EXT1: variants seen among roughly 807,000 people sequenced by gnomAD.
EXT1 encodes the protein exostosin-1.
In EXT1, 20 loss-of-function variants were observed where a neutral mutation model predicts 82.5. The ratio of observed to expected loss-of-function variants is 0.24; its 90% CI spans 0.17 to 0.35. The LOEUF is 0.35. Ranked by LOEUF, EXT1 falls within the 10% of genes least tolerant of loss-of-function variation. EXT1 has a pLI of 1.00. For synonymous variants in EXT1, 348 were observed against 350.8 expected, an observed-to-expected ratio of 0.99 and a Z score of 0.09; for missense variants, 757 against 936.5, an observed-to-expected ratio of 0.81 and a Z score of 2.50.
intron 1 of EXT1, among the ~76,000 whole-genome samples, chr8:117,972,089 G>A (rs1160589631): frequency 1.3e-5 from 2 of 151,484 alleles, no homozygotes; most frequent in Non-Finnish European, 2.9e-5. Context: ...GGCTGAGGTT[G>A]CGGTGAGCCG....
At chr8:117,952,865 T>C (rs571122657) in intron 1 of EXT1, among the ~76,000 whole-genome samples, 23 of 152,348 alleles carry the variant, frequency 1.5e-4, no homozygotes, top group African/African-American at 3.8e-4. Context: ...AAATGGAAGA[T>C]GGATTTGTGT....
At chr8:117,968,549 ATTTATTTTTTTTTTTTTTTTTT>A (rs1814872070) in intron 1 of EXT1, among the ~76,000 whole-genome samples, 1 of 11,318 alleles carries the variant, frequency 8.8e-5, no homozygotes, top group Admixed American at 1.0e-3. Flanking sequence ...TTATTTATTT[ATTTATTTTTTTTTTTTTTTTTT>A]TTTTTTTTTT....
intron 1 of EXT1, among the ~76,000 whole-genome samples, chr8:117,861,488 C>CTTTTTTTTTTTTTTTTTTTTTTTTTTTT (rs755653091): frequency 2.3e-5 from 2 of 86,824 alleles, no homozygotes; most frequent in Non-Finnish European, 4.3e-5. Context: ...AAGTTTTTAT[C>CTTTTTTTTTTTTTTTTTTTTTTTTTTTT]TTTTTTTTTT....
chr8:117,966,142 A>G (rs1814805384), intron 1 of EXT1, among the ~76,000 whole-genome samples: 1 of 152,148 alleles, frequency 6.6e-6, no homozygotes, highest in Admixed American at 6.6e-5. Flanking sequence ...ATATAGAGAA[A>G]AGTCTCCACA....
At chr8:117,809,193 G>GTATA (rs1823278608) in intron 8 of EXT1, among the ~76,000 whole-genome samples, 2 of 116,680 alleles carry the variant, frequency 1.7e-5, no homozygotes, top group East Asian at 4.6e-4. Flanking sequence ...ATGTGTGTAG[G>GTATA]TATATATATG....
intron 1 of EXT1, among the ~76,000 whole-genome samples, chr8:117,955,555 G>A (rs1257711242): frequency 2.6e-5 from 4 of 151,440 alleles, no homozygotes; most frequent in Non-Finnish European, 5.9e-5. Context: ...GGGTGTCAAG[G>A]GGCAGAGACC....
chr8:117,812,921 GTGA>G lies in EXT1; in HGVS notation c.1670_1672del (p.Ile557del), dbSNP rs1368843278. 3 of 1,613,958 alleles carry G rather than the reference GTGA, an allele frequency of 1.9e-6. No individual in the cohort carries two copies. The highest frequency in any genetic ancestry group is 1.7e-5 in the Admixed American group (1 of 60,000). On this transcript the variant is annotated inframe_deletion, in exon 8 of 11. Coordinates refer to ENST00000378204, the MANE Select transcript of EXT1 (RefSeq NM_000127.3). ...CTCGTCAAGGCTGAGCACGGCGTCT[GTGA>G]TGATGTTGTCGTAGGGCAGAAAACG...
In EXT1 at chr8:118,098,265, A is replaced by T. The variant is rs150254824; in HGVS notation, c.962+11820T>A. Among the ~76,000 whole-genome samples the T allele has an allele frequency of 2.0e-4, 30 of 152,268 alleles. No individual in the cohort carries two copies. In the East Asian group the frequency reaches 3.1e-3, roughly 16 times the overall value. On this transcript the variant is annotated intron_variant, in intron 1 of 10. Transcript: ENST00000378204. ...CCCCCGCTAGGAGTGTGAAATGCCC[A>T]ACATACCTGCCAGGACAACCATAGG...
intron 1 of EXT1, among the ~76,000 whole-genome samples, chr8:117,852,100 T>C (rs1340261104): frequency 1.3e-5 from 2 of 152,256 alleles, no homozygotes; most frequent in Admixed American, 6.5e-5. Context: ...ATCTCCCATT[T>C]TGTAGAAGAG....
intron 1 of EXT1, among the ~76,000 whole-genome samples, chr8:118,097,767 T>C (rs1355122563): frequency 6.6e-6 from 1 of 152,192 alleles, no homozygotes; most frequent in Non-Finnish European, 1.5e-5. Context: ...TCAATAAGTA[T>C]CTGTTGAGTA....
At chr8:117,997,461 C>A (rs972274551) in intron 1 of EXT1, among the ~76,000 whole-genome samples, 1 of 151,794 alleles carries the variant, frequency 6.6e-6, no homozygotes, top group African/African-American at 2.4e-5. Context: ...ACAATAAGTA[C>A]ATAAGGTACA....
chr8:117,941,603 CA>C (rs149071770), intron 1 of EXT1, among the ~76,000 whole-genome samples: 8,685 of 152,252 alleles, frequency 0.057, 861 homozygotes, highest in African/African-American at 0.2. Context: ...GGTGAGTGAT[CA>C]TTTTTTCAGC....
At chr8:117,830,110 TACA>T in intron 4 of EXT1, 117 bp downstream of exon 4, 1 of 1,276,714 alleles carries the variant, frequency 7.8e-7, no homozygotes, top group Non-Finnish European at 1.1e-6. Flanking sequence ...TATATCCAAG[TACA>T]GGAATCTGGT....
intron 5 of EXT1, 70 bp downstream of exon 5, chr8:117,822,395 T>C (rs1022754834): frequency 2.2e-5 from 35 of 1,556,170 alleles, no homozygotes; most frequent in Non-Finnish European, 3.0e-5. Context: ...AGTAGAAGAA[T>C]AAAGGCCTTT....
intron 1 of EXT1, among the ~76,000 whole-genome samples, chr8:118,012,287 C>T (rs1815915161): frequency 6.6e-6 from 1 of 152,176 alleles, no homozygotes; most frequent in South Asian, 2.1e-4. Context: ...CACAGAAGAC[C>T]ACACAGGACA....
At chr8:117,821,356 T>C (rs144108622) in intron 5 of EXT1, among the ~76,000 whole-genome samples, 4 of 152,194 alleles carry the variant, frequency 2.6e-5, no homozygotes, top group African/African-American at 9.7e-5. Context: ...CGACAAGTCA[T>C]TGTCTTTAAA....
chr8:117,881,141 G>A (rs1047716864), intron 1 of EXT1, among the ~76,000 whole-genome samples: 17 of 152,098 alleles, frequency 1.1e-4, no homozygotes, highest in Admixed American at 6.5e-5. Flanking sequence ...TATGGTTCAT[G>A]CATTGCCTGT....
Position 118,110,684 on chromosome 8 carries a change from C to T in EXT1, c.363G>A (p.Gln121=), listed in dbSNP as rs199724993. Residue 121 remains glutamine (Q), a synonymous_variant, in exon 1 of 11, where the codon CAG becomes CAA. Transcript: ENST00000378204. The stretch of plus-strand genomic sequence containing the variant: ...TTTCGGCGATTTTCTCCCCTTTTTG[C>T]TGTGGGTATACGTAGACTTTGAAGC... ...KNGFKVYVYP[Q]QKGEKIAESY... 1.2e-6 allele frequency: 2 copies of T among 1,614,152 alleles called. No individual in the cohort carries two copies. The highest frequency in any genetic ancestry group is 2.7e-5 in the African/African-American group (2 of 75,022).
chr8:117,819,785 G>A lies in EXT1; in HGVS notation c.1427C>T (p.Pro476Leu). The A allele has an allele frequency of 1.9e-6, 3 of 1,613,218 alleles. No homozygotes were observed. The highest frequency in any genetic ancestry group is 1.1e-5 in the South Asian group (1 of 91,044). Residue 476 changes from proline (P) to leucine (L), a missense_variant, in exon 6 of 11, where the codon CCC (proline) becomes CTC (leucine). Pro to Leu is a moderately conservative substitution (Grantham distance 98). Transcript: ENST00000378204. ...PYYYANLGLKPPSKFTAVIHA... is the reference protein window; with the variant it reads ...PYYYANLGLKLPSKFTAVIHA... ...GATGACTGCAGTGAATTTGGAGGGG[G>A]GCTTTAAACCTGAAATAAAAAGGAG...
Sources: allele counts gnomAD v4.1 joint callset (sites outside exome capture counted in the v4.1 genomes callset), GRCh38; gene constraint gnomAD v4.1.1; transcripts MANE v1.5; gene names NCBI Gene and HGNC (gene_info 2026-07-23, HGNC 2026-07-21).